The following STX8 variants were observed in gnomAD, a reference collection of about 807,000 sequenced individuals.
STX8 encodes the protein syntaxin-8.
In STX8, 23 loss-of-function variants were observed where a neutral mutation model predicts 37.5. That is an observed-to-expected ratio of 0.61 (90% CI 0.44 to 0.87). The LOEUF (loss-of-function observed/expected upper bound fraction) is 0.87, where lower values mean the gene tolerates loss of function less well. Among genes scored for constraint, STX8 ranks in the 40% least tolerant of loss-of-function variants. The pLI is 0.00. For synonymous variants in STX8, 115 were observed against 99.1 expected (o/e 1.16, Z -0.95); for missense variants, 313 against 284.7 (o/e 1.10, Z -0.71).
chr17:9,385,640 A>C (rs566728693), intron 6 of STX8, among the ~76,000 whole-genome samples: 72 of 152,350 alleles, frequency 4.7e-4, no homozygotes, highest in African/African-American at 1.5e-3. Context: ...TACAGTGTGC[A>C]AACTAAAGAC....
chr17:9,288,120 A>AAAAC (rs1359825499), intron 7 of STX8, among the ~76,000 whole-genome samples: 1 of 81,238 alleles, frequency 1.2e-5, no homozygotes, highest in African/African-American at 4.8e-5. Context: ...GGAGAAAAGC[A>AAAAC]AAACAAACAA....
At position 9,480,939 on chromosome 17, in the gene STX8, T is replaced by C. The variant is rs377398896; in HGVS notation, c.541+10890A>G. 3.4e-4 allele frequency among the ~76,000 whole-genome samples: 51 copies of C among 150,914 alleles called. 1 individual carries two copies. Among genetic ancestry groups the C allele is most frequent in the South Asian group, 2.3e-3 (11 of 4,804 alleles). On this transcript the variant is annotated intron_variant, in intron 6 of 7. Transcript: ENST00000306357. ...TTGCTCTGTCGCCCAGGCTGGAGGG[T>C]AGTGGCATGATCTCAGCTCACTGCA...
chr17:9,279,966 G>A (rs781425161), intron 7 of STX8, among the ~76,000 whole-genome samples: 2 of 152,202 alleles, frequency 1.3e-5, no homozygotes, highest in Non-Finnish European at 2.9e-5. Context: ...AGGGTGTGAT[G>A]GCTTACATCT....
intron 6 of STX8, among the ~76,000 whole-genome samples, chr17:9,479,956 C>T (rs1906253582): frequency 6.6e-6 from 1 of 152,194 alleles, no homozygotes; most frequent in Non-Finnish European, 1.5e-5. Context: ...TTTGCCTATG[C>T]CCTTCCCTCT....
chr17:9,310,014 T>G (rs1205825208), intron 7 of STX8, among the ~76,000 whole-genome samples: 1 of 152,122 alleles, frequency 6.6e-6, no homozygotes, highest in Non-Finnish European at 1.5e-5. Flanking sequence ...TTAGTCAAGT[T>G]GACTCTTATT....
At position 9,507,198 on chromosome 17, in the gene STX8, G is replaced by A. The variant is rs1414458826; in HGVS notation, c.324-2036C>T. Among the ~76,000 whole-genome samples the A allele has an allele frequency of 6.6e-6, 1 of 151,970 alleles. No individual in the cohort carries two copies. Among genetic ancestry groups the A allele is most frequent in the African/African-American group, 2.4e-5 (1 of 41,352 alleles). ...GGGCAGTGCAGCCCCCTACAGACATGCCCCCGGCCTGCCCAAAGGCCCCAC... is the reference window on the plus strand; with the variant it reads ...GGGCAGTGCAGCCCCCTACAGACATACCCCCGGCCTGCCCAAAGGCCCCAC... On this transcript the variant is annotated intron_variant, in intron 4 of 7. Transcript: ENST00000306357. The surrounding 1 kb of genome is among the most constrained non-coding windows in gnomAD (Gnocchi z 4.0).
At chr17:9,284,860 C>T (rs761407652) in intron 7 of STX8, among the ~76,000 whole-genome samples, 2 of 152,254 alleles carry the variant, frequency 1.3e-5, no homozygotes, top group South Asian at 2.1e-4. Flanking sequence ...GGCCGAAACA[C>T]GCAAGATCCT....
chr17:9,422,891 G>A (rs1913493889), intron 6 of STX8, among the ~76,000 whole-genome samples: 1 of 152,212 alleles, frequency 6.6e-6, no homozygotes, highest in African/African-American at 2.4e-5. Flanking sequence ...GAAGAAAAAT[G>A]CTGGACATAA....
intron 7 of STX8, among the ~76,000 whole-genome samples, chr17:9,308,696 C>T (rs935836925): frequency 5.7e-5 from 8 of 139,336 alleles, no homozygotes; most frequent in Non-Finnish European, 9.0e-5. Context: ...GCACTCTAGC[C>T]TGGAGGACAA....
chr17:9,296,611 A>C, intron 7 of STX8, among the ~76,000 whole-genome samples: 1 of 147,120 alleles, frequency 6.8e-6, no homozygotes, highest in Middle Eastern at 3.4e-3. Flanking sequence ...GAAAAAAAGA[A>C]GTAAATTGTT....
At chr17:9,479,832 C>G (rs1423384340) in intron 6 of STX8, among the ~76,000 whole-genome samples, 1 of 151,984 alleles carries the variant, frequency 6.6e-6, no homozygotes, top group Non-Finnish European at 1.5e-5. Context: ...CTGGCCCCCT[C>G]CTGCCAGCTC....
chr17:9,275,640 T>C (rs1407453565), intron 7 of STX8, among the ~76,000 whole-genome samples: 213 of 151,528 alleles, frequency 1.4e-3, no homozygotes, highest in African/African-American at 4.9e-3. Context: ...GAGGCCAAGG[T>C]GGGTGGATCA....
intron 7 of STX8, among the ~76,000 whole-genome samples, chr17:9,352,982 C>T (rs1910761733): frequency 6.6e-6 from 1 of 151,828 alleles, no homozygotes; most frequent in Non-Finnish European, 1.5e-5. Flanking sequence ...GCCTTTAACT[C>T]CTGGGCTCAA....
At chr17:9,432,262 G>A (rs895506946) in intron 6 of STX8, among the ~76,000 whole-genome samples, 2 of 152,054 alleles carry the variant, frequency 1.3e-5, no homozygotes, top group African/African-American at 4.8e-5. Flanking sequence ...ATACCAAACA[G>A]AGTTAATTAA....
At chr17:9,339,853 G>A (rs545312494) in intron 7 of STX8, among the ~76,000 whole-genome samples, 1 of 152,174 alleles carries the variant, frequency 6.6e-6, no homozygotes, top group Non-Finnish European at 1.5e-5. Context: ...CTTTGAAAGC[G>A]CCATGGATAC....
At chr17:9,411,440 A>G (rs1389103803) in intron 6 of STX8, among the ~76,000 whole-genome samples, 1 of 152,238 alleles carries the variant, frequency 6.6e-6, no homozygotes, top group Non-Finnish European at 1.5e-5. Flanking sequence ...ATCCCTGGCT[A>G]TAAAACGAAT....
At chr17:9,475,920 C>A (rs1265337720) in intron 6 of STX8, among the ~76,000 whole-genome samples, 1 of 152,218 alleles carries the variant, frequency 6.6e-6, no homozygotes, top group East Asian at 1.9e-4. Flanking sequence ...GTGGCTCACG[C>A]CTGTCATCCC....
intron 4 of STX8, among the ~76,000 whole-genome samples, chr17:9,516,405 A>G (rs1905163214): frequency 1.4e-5 from 2 of 146,926 alleles, no homozygotes; most frequent in African/African-American, 5.1e-5. Flanking sequence ...GCACAATTTA[A>G]TACTAATATC....
At chr17:9,506,939 C>G (rs1055509034) in intron 4 of STX8, among the ~76,000 whole-genome samples, 1 of 152,002 alleles carries the variant, frequency 6.6e-6, no homozygotes, top group Non-Finnish European at 1.5e-5. Flanking sequence ...GCCACCAAAG[C>G]TACACAGGTG....
Sources: allele counts gnomAD v4.1 joint callset (sites outside exome capture counted in the v4.1 genomes callset), GRCh38; gene constraint gnomAD v4.1.1; non-coding constraint Gnocchi (gnomAD v3.1); transcripts MANE v1.5; gene names NCBI Gene and HGNC (gene_info 2026-07-23, HGNC 2026-07-21).